The following BBS4 variants were observed in gnomAD, a reference collection of about 807,000 sequenced individuals.
BBS4 encodes the protein Bardet-Biedl syndrome 4.
In BBS4, 58 loss-of-function variants were observed where a neutral mutation model predicts 71.4. That is an observed-to-expected ratio of 0.81 (90% confidence interval 0.66 to 1.01). The LOEUF (loss-of-function observed/expected upper bound fraction) is 1.01, where lower values mean the gene tolerates loss of function less well. Ranked by LOEUF, BBS4 falls within the 50% of genes least tolerant of loss-of-function variation. The pLI, the probability that BBS4 is intolerant of heterozygous loss-of-function variation, is 0.00. For synonymous variants in BBS4, 228 were observed against 216.8 expected (o/e 1.05, Z -0.46); for missense variants, 660 against 607.9 (o/e 1.09, Z -0.90).
chr15:72,715,997 T>G (rs796195585), intron 5 of BBS4, among the ~76,000 whole-genome samples: 6 of 152,328 alleles, frequency 3.9e-5, no homozygotes, highest in African/African-American at 1.4e-4. Flanking sequence ...TCAGCAAATG[T>G]AGTTAAGAAA....
Position 72,736,886 on chromosome 15 carries a change from T to G in BBS4, c.1373T>G (p.Phe458Cys). 1 of 1,614,192 alleles carries G rather than the reference T, an allele frequency of 6.2e-7. No homozygotes were observed. The highest frequency in any genetic ancestry group is 8.5e-7 in the Non-Finnish European group (1 of 1,180,028). ...ACTTCAACCAGCAAACCTGCCAGTT[T>G]CCAGCAGCCTCTGGGCTCTAATCAA... ...QTTSTSKPAS[F>C]QQPLGSNQAL... The change falls in exon 15 of 16, where the codon TTC becomes TGC. Residue 458 changes from phenylalanine (F) to cysteine (C), a missense_variant. Coordinates refer to ENST00000268057, the MANE Select transcript of BBS4 (RefSeq NM_033028.5).
At chr15:72,686,588 C>T in intron 1 of BBS4, 1 of 1,390,990 alleles carries the variant, frequency 7.2e-7, no homozygotes, top group Non-Finnish European at 9.5e-7. Flanking sequence ...CTTGTGTAGA[C>T]AGTTCCTGTT....
intron 6 of BBS4, among the ~76,000 whole-genome samples, chr15:72,719,172 A>G (rs1244418563): frequency 1.3e-5 from 2 of 152,086 alleles, no homozygotes; most frequent in Non-Finnish European, 2.9e-5. Context: ...GGCCAGTGCC[A>G]CAAATGGTCA....
At position 72,715,316 on chromosome 15, in the gene BBS4, T is replaced by C. The variant is rs1468461741; in HGVS notation, c.246T>C (p.Asn82=). The C allele has an allele frequency of 6.2e-7, 1 of 1,613,446 alleles. No individual in the cohort carries two copies. The highest frequency in any genetic ancestry group is 8.5e-7 in the Non-Finnish European group (1 of 1,179,440). The part of the protein sequence containing the change: ...VQALIFRLEG[N]IQESLELFQT... ...CATTGATATTTCGCCTAGAAGGAAA[T>C]ATCCAAGAATCCCTAGAACTCTTCC... Residue 82 remains asparagine, a synonymous_variant, in exon 5 of 16, where the codon AAT becomes AAC. Coordinates refer to ENST00000268057, the MANE Select transcript of BBS4 (RefSeq NM_033028.5).
At chr15:72,724,765 G>A in intron 8 of BBS4, 110 bp downstream of exon 8, 1 of 1,423,774 alleles carries the variant, frequency 7.0e-7, no homozygotes, top group Middle Eastern at 2.0e-4. Context: ...CTTACTGTAT[G>A]AGTTAAAGGT....
Position 72,725,115 on chromosome 15 carries a change from T to A in BBS4, c.587+460T>A, listed in dbSNP as rs12438576. 0.016 allele frequency among the ~76,000 whole-genome samples: 2,421 copies of A among 149,788 alleles called. 199 individuals carry two copies. In the East Asian group the frequency reaches 0.25, roughly 16 times the overall value. On this transcript the variant is annotated intron_variant, in intron 8 of 15. Transcript: ENST00000268057. ...TCTTACTCCATCACTCAGGCTGGAG[T>A]GCAGTGGAGAACACAGCTCACTGCA...
chr15:72,696,557 C>T (rs1350776628), intron 2 of BBS4, among the ~76,000 whole-genome samples: 1 of 152,144 alleles, frequency 6.6e-6, no homozygotes, highest in Non-Finnish European at 1.5e-5. Context: ...TTTCTTTCTT[C>T]CTAGTTTTGC....
intron 3 of BBS4, among the ~76,000 whole-genome samples, 193 bp downstream of exon 3, chr15:72,709,972 C>T (rs1195541966): frequency 6.6e-6 from 1 of 151,982 alleles, no homozygotes; most frequent in Non-Finnish European, 1.5e-5. Flanking sequence ...TTTCAGTGGC[C>T]CCCAACAAAC....
chr15:72,690,337 T>G (rs1188227289), intron 1 of BBS4, among the ~76,000 whole-genome samples: 1 of 152,150 alleles, frequency 6.6e-6, no homozygotes, highest in African/African-American at 2.4e-5. Context: ...AATAAAATAA[T>G]TTGTTCTATA....
chr15:72,695,368 A>G lies in BBS4; in HGVS notation c.76+140A>G, dbSNP rs954190826. The G allele has an allele frequency of 2.3e-5, 13 of 557,972 alleles. No homozygotes were observed. The East Asian group carries it at 3.8e-4, about 16-fold the overall frequency. The allele number at this position is 557,972 out of a possible 1,614,324, so 34.6% of individuals were successfully genotyped here. ...AGTAGCACAATCTTGGCTCACTGCAACCTTTGCCTCTGGGGCTCAAGCAAT... is the reference window on the plus strand; with the variant it reads ...AGTAGCACAATCTTGGCTCACTGCAGCCTTTGCCTCTGGGGCTCAAGCAAT... On this transcript the variant is annotated intron_variant, in intron 2 of 15. Transcript: ENST00000268057.
chr15:72,688,202 G>A lies in BBS4; in HGVS notation c.24+1951G>A, dbSNP rs547603002. ...ATATGAACTTGAGTCTGTGACGGCAGAATTGTCATGTACATTTGAATGTCT... is the reference window on the plus strand; with the variant it reads ...ATATGAACTTGAGTCTGTGACGGCAAAATTGTCATGTACATTTGAATGTCT... On this transcript the variant is annotated intron_variant, in intron 1 of 15. Transcript: ENST00000268057. Among the ~76,000 whole-genome samples the A allele has an allele frequency of 7.2e-5, 11 of 151,974 alleles. No individual in the cohort carries two copies. The South Asian group carries it at 1.5e-3, about 20-fold the overall frequency.
chr15:72,720,252 G>A (rs1250295715), intron 6 of BBS4, among the ~76,000 whole-genome samples: 2 of 151,920 alleles, frequency 1.3e-5, no homozygotes, highest in African/African-American at 4.8e-5. Flanking sequence ...AAAGGATGCT[G>A]AGTGGGGAGG....
intron 2 of BBS4, among the ~76,000 whole-genome samples, chr15:72,701,456 A>C (rs1239258882): frequency 1.3e-5 from 2 of 152,204 alleles, no homozygotes; most frequent in Non-Finnish European, 2.9e-5. Context: ...GTACACATAC[A>C]TACTTAGGAG....
intron 1 of BBS4, among the ~76,000 whole-genome samples, chr15:72,691,488 T>C (rs1381466372): frequency 6.6e-6 from 1 of 152,158 alleles, no homozygotes; most frequent in Non-Finnish European, 1.5e-5. Flanking sequence ...TTTTGTACTT[T>C]TTATAGTTTT....
At chr15:72,733,323 A>G (rs1227583233) in intron 12 of BBS4, among the ~76,000 whole-genome samples, 2 of 140,338 alleles carry the variant, frequency 1.4e-5, no homozygotes, top group African/African-American at 5.4e-5. Flanking sequence ...TTTTAGGTTC[A>G]GGGGTACATG....
chr15:72,686,630 G>GA, intron 1 of BBS4: 2 of 1,208,308 alleles, frequency 1.7e-6, no homozygotes, highest in Non-Finnish European at 2.2e-6. Context: ...AACATGCCTG[G>GA]AAGCTTGCAG....
In BBS4 at chr15:72,738,200, TGA is replaced by T; in HGVS notation, c.*617_*618del. On this transcript the variant is annotated 3_prime_UTR_variant, in exon 16 of 16. Transcript: ENST00000268057. ...CAAGTCCCTCCCTGTATTTTGTTCTTGAGAGGGGTCAGTCTAGAAGCTAGATC... is the reference window on the plus strand; with the variant it reads ...CAAGTCCCTCCCTGTATTTTGTTCTTGAGGGGTCAGTCTAGAAGCTAGATC... The T allele has an allele frequency of 2.2e-6, 1 of 451,888 alleles. No individual in the cohort carries two copies. Among genetic ancestry groups the T allele is most frequent in the South Asian group, 1.6e-5 (1 of 64,086 alleles). The allele number at this position is 451,888 out of a possible 1,614,324, so 28.0% of individuals were successfully genotyped here.
chr15:72,699,057 G>A (rs555488505), intron 2 of BBS4, among the ~76,000 whole-genome samples: 11 of 152,104 alleles, frequency 7.2e-5, no homozygotes, highest in Admixed American at 3.3e-4. Context: ...TATCTTACTT[G>A]TCTTGGTATC....
intron 8 of BBS4, among the ~76,000 whole-genome samples, chr15:72,727,482 G>A (rs948080876): frequency 5.3e-5 from 8 of 152,074 alleles, no homozygotes; most frequent in African/African-American, 1.9e-4. Context: ...TAAGTGGAGA[G>A]AACAGCATTA....
Sources: allele counts gnomAD v4.1 joint callset (sites outside exome capture counted in the v4.1 genomes callset), GRCh38; gene constraint gnomAD v4.1.1; transcripts MANE v1.5; gene names NCBI Gene and HGNC (gene_info 2026-07-23, HGNC 2026-07-21).